Variants in TAFA5 observed in about 807,000 individuals in gnomAD.
TAFA5 encodes the protein chemokine-like protein TAFA-5.
TAFA5 carries 6 observed loss-of-function variants against 15.3 expected under a neutral mutation model. The observed-to-expected ratio is 0.39, with a 90% CI of 0.21 to 0.77. The LOEUF (loss-of-function observed/expected upper bound fraction) is 0.77, where lower values mean the gene tolerates loss of function less well. Among genes scored for constraint, TAFA5 ranks in the 30% least tolerant of loss-of-function variants. The pLI, the probability that TAFA5 is intolerant of heterozygous loss-of-function variation, is 0.41. For missense variants in TAFA5, 161 were observed against 193.1 expected, an observed-to-expected ratio of 0.83 and a Z score of 0.98; for synonymous variants, 103 against 80.7, an observed-to-expected ratio of 1.28 and a Z score of -1.48.
intron 1 of TAFA5, among the ~76,000 whole-genome samples, chr22:48,542,307 AGTGT>A (rs1922430520): frequency 2.0e-5 from 1 of 49,304 alleles, no homozygotes; most frequent in Non-Finnish European, 3.9e-5. Flanking sequence ...ATGTGTGTGT[AGTGT>A]GTATGTGTGT....
intron 1 of TAFA5, among the ~76,000 whole-genome samples, chr22:48,563,634 G>A (rs77096789): frequency 0.082 from 12,453 of 152,212 alleles, 517 homozygotes; most frequent in Middle Eastern, 0.15. Context: ...TCTGCCCCTC[G>A]GACTCCTCTG....
intron 1 of TAFA5, among the ~76,000 whole-genome samples, chr22:48,586,952 G>A (rs1381800562): frequency 6.6e-6 from 1 of 152,238 alleles, no homozygotes; most frequent in Non-Finnish European, 1.5e-5. Context: ...GGCACCCTCC[G>A]GGTAATCAAG....
intron 2 of TAFA5, among the ~76,000 whole-genome samples, chr22:48,694,250 C>T (rs984068134): frequency 5.3e-5 from 8 of 152,192 alleles, no homozygotes; most frequent in African/African-American, 1.4e-4. Flanking sequence ...ACCAGCAGGG[C>T]GGCCCTGACA....
chr22:48,619,638 G>A (rs1444318091), intron 1 of TAFA5, among the ~76,000 whole-genome samples: 7 of 152,244 alleles, frequency 4.6e-5, no homozygotes, highest in Admixed American at 4.6e-4. Context: ...ACAAGTGTGA[G>A]AGTGCAGGGC....
intron 1 of TAFA5, among the ~76,000 whole-genome samples, chr22:48,634,629 T>G (rs1926377791): frequency 2.6e-5 from 4 of 152,114 alleles, no homozygotes; most frequent in Admixed American, 2.6e-4. Context: ...ATTGACACAC[T>G]CGGTCATTTA....
At chr22:48,496,988 A>G (rs1928349062) in intron 1 of TAFA5, among the ~76,000 whole-genome samples, 1 of 152,278 alleles carries the variant, frequency 6.6e-6, no homozygotes, top group East Asian at 1.9e-4. Flanking sequence ...CCACCAGGGG[A>G]GGAGCTGCTG....
At chr22:48,593,550 G>A (rs796773370) in intron 1 of TAFA5, among the ~76,000 whole-genome samples, 18 of 152,294 alleles carry the variant, frequency 1.2e-4, no homozygotes, top group African/African-American at 4.1e-4. Context: ...GTTGAGGAGG[G>A]CTAGTGCCAA....
At chr22:48,664,394 C>T (rs1030087550) in intron 2 of TAFA5, among the ~76,000 whole-genome samples, 1 of 152,078 alleles carries the variant, frequency 6.6e-6, no homozygotes, top group Admixed American at 6.5e-5. Context: ...CTTTGATGAC[C>T]CTTGTGAAAC....
chr22:48,702,240 C>G (rs1237770997), intron 2 of TAFA5, among the ~76,000 whole-genome samples: 1 of 152,042 alleles, frequency 6.6e-6, no homozygotes, highest in African/African-American at 2.4e-5. Flanking sequence ...TGATGGAGAG[C>G]ATGGTGTGGG....
intron 1 of TAFA5, among the ~76,000 whole-genome samples, chr22:48,575,632 C>A (rs533402912): frequency 1.4e-5 from 2 of 146,368 alleles, no homozygotes; most frequent in African/African-American, 4.9e-5. Context: ...GCAGCGGCGG[C>A]CCAGCGTGGG....
At chr22:48,565,966 G>A (rs1292281941) in intron 1 of TAFA5, among the ~76,000 whole-genome samples, 1 of 152,146 alleles carries the variant, frequency 6.6e-6, no homozygotes, top group Non-Finnish European at 1.5e-5. Flanking sequence ...GCAGCTGGGT[G>A]GATGGGTGGA....
At chr22:48,493,144 C>T (rs969308566) in intron 1 of TAFA5, among the ~76,000 whole-genome samples, 4 of 152,156 alleles carry the variant, frequency 2.6e-5, no homozygotes, top group African/African-American at 9.7e-5. Flanking sequence ...TTGTGTGCAG[C>T]GTTGAAATCA....
chr22:48,571,120 T>A (rs551489747), intron 1 of TAFA5, among the ~76,000 whole-genome samples: 87 of 152,294 alleles, frequency 5.7e-4, no homozygotes, highest in African/African-American at 2.0e-3. Flanking sequence ...CGTTGACTGT[T>A]TAGCTGGGTA....
chr22:48,672,876 C>T (rs1323254363), intron 2 of TAFA5, among the ~76,000 whole-genome samples: 1 of 152,192 alleles, frequency 6.6e-6, no homozygotes, highest in Non-Finnish European at 1.5e-5. Context: ...AATAGAACCT[C>T]AACACCCAGA....
At chr22:48,526,554 G>A (rs1921788742) in intron 1 of TAFA5, among the ~76,000 whole-genome samples, 1 of 152,228 alleles carries the variant, frequency 6.6e-6, no homozygotes, top group Non-Finnish European at 1.5e-5. Flanking sequence ...GGCCTCACAA[G>A]GCTGACCATA....
At chr22:48,646,034 G>A (rs1926849693) in intron 1 of TAFA5, among the ~76,000 whole-genome samples, 1 of 152,188 alleles carries the variant, frequency 6.6e-6, no homozygotes. Context: ...GCACACAGTG[G>A]TGCCCGCCTG....
At chr22:48,711,113 A>C (rs1229564458) in intron 3 of TAFA5, among the ~76,000 whole-genome samples, 2 of 152,146 alleles carry the variant, frequency 1.3e-5, no homozygotes, top group Non-Finnish European at 2.9e-5. Context: ...GGGACCAGGG[A>C]CATGGGCAGG....
At chr22:48,542,487 GTGTGGTGTGTGTGCGTGTGTGGC>G in intron 1 of TAFA5, among the ~76,000 whole-genome samples, 1 of 132,378 alleles carries the variant, frequency 7.6e-6, no homozygotes, top group South Asian at 2.6e-4. Flanking sequence ...TGTGGTGTGT[GTGTGGTGTGTGTGCGTGTGTGGC>G]ATGTGTGTGT....
At chr22:48,590,493 C>T (rs1924527762) in intron 1 of TAFA5, among the ~76,000 whole-genome samples, 1 of 152,112 alleles carries the variant, frequency 6.6e-6, no homozygotes, top group African/African-American at 2.4e-5. Flanking sequence ...TATGGTGCAA[C>T]CCTGGCGGAT....
Sources: allele counts gnomAD v4.1 joint callset (sites outside exome capture counted in the v4.1 genomes callset), GRCh38; gene constraint gnomAD v4.1.1; transcripts MANE v1.5; gene names NCBI Gene and HGNC (gene_info 2026-07-23, HGNC 2026-07-21).